SUMF1: variants seen among roughly 807,000 people sequenced by gnomAD.
SUMF1 encodes the protein formylglycine-generating enzyme.
A neutral mutation model predicts 47.6 loss-of-function variants in SUMF1; 48 were observed. The ratio of observed to expected loss-of-function variants is 1.01; its 90% confidence interval spans 0.80 to 1.28. The LOEUF is 1.28. Among genes scored for constraint, SUMF1 ranks in the 50% most tolerant of loss-of-function variants. SUMF1 has a pLI of 0.00. For synonymous variants in SUMF1, 230 were observed against 192.1 expected (o/e 1.20, Z -1.63); for missense variants, 571 against 485.4 (o/e 1.18, Z -1.66).
At chr3:4,099,152 T>A (rs1692973403) in intron 8 of SUMF1, among the ~76,000 whole-genome samples, 1 of 152,020 alleles carries the variant, frequency 6.6e-6, no homozygotes, top group Admixed American at 6.6e-5. Flanking sequence ...TGCCTCCAAA[T>A]CAGGAGTTAA....
chr3:4,294,671 G>C (rs986098027), intron 8 of SUMF1, among the ~76,000 whole-genome samples: 89 of 152,238 alleles, frequency 5.8e-4, no homozygotes, highest in African/African-American at 1.9e-3. Context: ...TAAGTTGTCA[G>C]GCTGCCCAGG....
At chr3:4,187,833 A>C (rs1333157233) in intron 8 of SUMF1, among the ~76,000 whole-genome samples, 1 of 152,134 alleles carries the variant, frequency 6.6e-6, no homozygotes, top group Non-Finnish European at 1.5e-5. Context: ...TTTGGACCTC[A>C]TATTGCCAAA....
At chr3:4,314,680 C>G (rs1698565028) in intron 8 of SUMF1, among the ~76,000 whole-genome samples, 1 of 152,148 alleles carries the variant, frequency 6.6e-6, no homozygotes, top group African/African-American at 2.4e-5. Flanking sequence ...CCTGTCCACA[C>G]CACAGAAGGA....
At chr3:4,223,172 A>G (rs997007603) in intron 8 of SUMF1, among the ~76,000 whole-genome samples, 6 of 152,152 alleles carry the variant, frequency 3.9e-5, no homozygotes, top group African/African-American at 2.4e-5. Flanking sequence ...AGCTCTCTGG[A>G]CAGATTTCTG....
chr3:4,268,493 GT>G (rs1255465868), intron 8 of SUMF1, among the ~76,000 whole-genome samples: 3 of 128,736 alleles, frequency 2.3e-5, no homozygotes, highest in Admixed American at 2.3e-4. Context: ...AAAATAAAAT[GT>G]TTTTCTTTTT....
At chr3:4,323,078 C>T (rs546162316) in intron 8 of SUMF1, among the ~76,000 whole-genome samples, 3 of 152,028 alleles carry the variant, frequency 2.0e-5, no homozygotes, top group Admixed American at 6.6e-5. Flanking sequence ...ATTCATATAA[C>T]GTTATTCATA....
At chr3:4,055,068 G>A (rs925319614) in intron 9 of SUMF1, among the ~76,000 whole-genome samples, 2 of 152,168 alleles carry the variant, frequency 1.3e-5, no homozygotes, top group African/African-American at 4.8e-5. Flanking sequence ...CTCACTGCGT[G>A]TTGTTGAAAC....
chr3:4,134,398 T>C (rs1693869861), intron 8 of SUMF1, among the ~76,000 whole-genome samples: 2 of 152,018 alleles, frequency 1.3e-5, no homozygotes, highest in Admixed American at 1.3e-4. Context: ...AAGGCAGAAA[T>C]AAAGATGTTC....
intron 8 of SUMF1, among the ~76,000 whole-genome samples, chr3:4,182,759 T>C (rs1695123138): frequency 6.6e-6 from 1 of 152,154 alleles, no homozygotes. Context: ...GTTACACTAG[T>C]GGAGAGTCAT....
At chr3:4,303,505 G>A in intron 8 of SUMF1, 1 of 1,446,910 alleles carries the variant, frequency 6.9e-7, no homozygotes, top group Non-Finnish European at 9.0e-7. Context: ...GGCCCCCGGG[G>A]GCCGCGCCGG....
At chr3:4,068,849 C>G in intron 8 of SUMF1, 3 of 234,776 alleles carry the variant, frequency 1.3e-5, no homozygotes, top group Non-Finnish European at 2.6e-5. Flanking sequence ...AGAGAACTTA[C>G]AGAACTTAAT....
intron 8 of SUMF1, among the ~76,000 whole-genome samples, chr3:4,298,694 C>T (rs1266998344): frequency 6.6e-6 from 1 of 152,204 alleles, no homozygotes; most frequent in South Asian, 2.1e-4. Flanking sequence ...TGTTACACTG[C>T]AAGCTTTTCT....
At chr3:4,247,355 CTG>C (rs1248335532) in intron 8 of SUMF1, among the ~76,000 whole-genome samples, 2 of 152,206 alleles carry the variant, frequency 1.3e-5, no homozygotes, top group Admixed American at 6.5e-5. Context: ...CAATTCAACT[CTG>C]TGCTACAGTC....
intron 8 of SUMF1, among the ~76,000 whole-genome samples, chr3:4,285,572 A>G (rs943358520): frequency 1.3e-5 from 2 of 152,188 alleles, no homozygotes; most frequent in East Asian, 3.8e-4. Flanking sequence ...TGTATGTAAT[A>G]TTAACAATTC....
intron 8 of SUMF1, among the ~76,000 whole-genome samples, chr3:4,190,920 C>T (rs1314610503): frequency 1.3e-5 from 2 of 152,148 alleles, no homozygotes; most frequent in African/African-American, 2.4e-5. Flanking sequence ...ACACAAAACA[C>T]ACCAGGTTCC....
In SUMF1 at chr3:4,101,456, G is replaced by C. The variant is rs531403459; in HGVS notation, c.1015-32711C>G. 2.0e-5 allele frequency among the ~76,000 whole-genome samples: 3 copies of C among 152,188 alleles called. No homozygotes were observed. In the South Asian group the frequency reaches 6.2e-4, roughly 32 times the overall value. ...ATCTAAAAAAGTCAAATTTATAGAA[G>C]TAGAGAGTAGAATGGTGGTTACCAG... On this transcript the variant is annotated intron_variant and NMD_transcript_variant, in intron 8 of 12. Transcript: ENST00000448413.
chr3:4,278,078 G>A (rs1697455517), intron 8 of SUMF1, among the ~76,000 whole-genome samples: 1 of 151,978 alleles, frequency 6.6e-6, no homozygotes, highest in South Asian at 2.1e-4. Context: ...CATGTTAATT[G>A]AACACCCAGA....
At chr3:4,160,583 T>C (rs1024350833) in intron 8 of SUMF1, among the ~76,000 whole-genome samples, 1 of 152,088 alleles carries the variant, frequency 6.6e-6, no homozygotes. Context: ...TGTCTTCTGT[T>C]TGATCACTTC....
At chr3:4,212,028 T>C (rs1695809874) in intron 8 of SUMF1, among the ~76,000 whole-genome samples, 1 of 152,202 alleles carries the variant, frequency 6.6e-6, no homozygotes, top group South Asian at 2.1e-4. Flanking sequence ...CGTCCCTGCC[T>C]GATGGCTCTG....
Sources: gnomAD v4.1 joint callset for allele counts (sites outside exome capture counted in the v4.1 genomes callset) on GRCh38, gnomAD v4.1.1 for gene constraint, MANE v1.5 for transcripts, NCBI Gene and HGNC (gene_info 2026-07-23, HGNC 2026-07-21) for gene names.